Variants in ADGRE5 observed in about 807,000 individuals in gnomAD.
ADGRE5 encodes the protein adhesion G protein-coupled receptor E5.
A neutral mutation model predicts 100.3 loss-of-function variants in ADGRE5; 72 were observed. The observed-to-expected ratio is 0.72, with a 90% CI of 0.59 to 0.87. The LOEUF (loss-of-function observed/expected upper bound fraction) is 0.87. ADGRE5 is among the 40% of genes least tolerant of loss of function. ADGRE5 has a pLI of 0.00. For missense variants in ADGRE5, 959 were observed against 1,094.7 expected, an observed-to-expected ratio of 0.88 and a Z score of 1.75; for synonymous variants, 439 against 447.8, an observed-to-expected ratio of 0.98 and a Z score of 0.25.
chr19:14,402,975 C>A, intron 12 of ADGRE5, 113 bp downstream of exon 12: 1 of 1,021,078 alleles, frequency 9.8e-7, no homozygotes. Flanking sequence ...TGTTTCTGGC[C>A]TTCTGATTTG....
At chr19:14,389,937 C>G (rs1394648214) in intron 3 of ADGRE5, among the ~76,000 whole-genome samples, 3 of 149,272 alleles carry the variant, frequency 2.0e-5, no homozygotes, top group Non-Finnish European at 3.0e-5. Context: ...GTGTGGTGGC[C>G]CATGAGCACA....
At chr19:14,404,590 C>T in intron 13 of ADGRE5, 28 bp downstream of exon 13, 1 of 1,602,938 alleles carries the variant, frequency 6.2e-7, no homozygotes. Context: ...TCCTCAAGTG[C>T]CCACAGGTAA....
chr19:14,400,157 C>T (rs1466001287), intron 9 of ADGRE5, among the ~76,000 whole-genome samples: 2 of 151,976 alleles, frequency 1.3e-5, no homozygotes, highest in Admixed American at 1.3e-4. Context: ...GTAGCTGGGA[C>T]TACAGGCGCC....
chr19:14,401,131 A>G lies in ADGRE5; in HGVS notation c.898-255A>G, dbSNP rs1568316417. ...ACTGAGACCCTGTCTCAAAAAAAGA[A>G]AGAAAAAAGAACAGGAAATCAAAAC... On this transcript the variant is annotated intron_variant, in intron 9 of 19. Transcript: ENST00000242786. The surrounding 1 kb of genome is among the most constrained non-coding windows in gnomAD (Gnocchi z 4.1). Among the ~76,000 whole-genome samples, 1 of 152,162 alleles carries G rather than the reference A, an allele frequency of 6.6e-6. No individual in the cohort carries two copies. Among genetic ancestry groups the G allele is most frequent in the Non-Finnish European group, 1.5e-5 (1 of 68,042 alleles).
In ADGRE5 at chr19:14,406,672, C is replaced by T. The variant is rs775974821; in HGVS notation, c.2049-28C>T. Reference sequence around the variant, plus strand: ...GTTCCGCTCCTGGCTTCCTGGGGCACTGATGGGACCCCTCCCTTCCCTCCT... The same window carrying T: ...GTTCCGCTCCTGGCTTCCTGGGGCATTGATGGGACCCCTCCCTTCCCTCCT... On this transcript the variant is annotated intron_variant, in intron 15 of 19. Transcript: ENST00000242786. The surrounding 1 kb of genome is among the most constrained non-coding windows in gnomAD (Gnocchi z 6.0). The T allele has an allele frequency of 6.2e-7, 1 of 1,613,210 alleles. No individual in the cohort carries two copies. The highest frequency in any genetic ancestry group is 1.3e-5 in the African/African-American group (1 of 74,910).
At chr19:14,389,289 A>G (rs1469538494) in intron 3 of ADGRE5, among the ~76,000 whole-genome samples, 1 of 1,850 alleles carries the variant, frequency 5.4e-4, no homozygotes, top group Non-Finnish European at 1.0e-3. Flanking sequence ...AGGGGAGGGG[A>G]AGGGGAGGGG....
chr19:14,397,501 C>G (rs558096508), intron 6 of ADGRE5, 157 bp from the exon 7 acceptor site: 3 of 760,760 alleles, frequency 3.9e-6, no homozygotes, highest in Non-Finnish European at 6.5e-6. Flanking sequence ...GCACGGGGCC[C>G]ACCTGCTGTG....
At chr19:14,404,638 C>T (rs1976146053) in intron 13 of ADGRE5, 76 bp downstream of exon 13, 3 of 1,418,792 alleles carry the variant, frequency 2.1e-6, no homozygotes. Flanking sequence ...GCTAGTTCTC[C>T]ATGGAGCCCT....
chr19:14,406,449 G>A lies in ADGRE5; in HGVS notation c.1940G>A (p.Gly647Asp), dbSNP rs763555738. 3.2e-6 allele frequency: 5 copies of A among 1,580,280 alleles called. No individual in the cohort carries two copies. The African/African-American group carries it at 5.4e-5, about 17-fold the overall frequency. ...LYFLVVRVFQ[G>D]QGLSTRWLCL... The stretch of plus-strand genomic sequence containing the variant: ...TTTCTTGTGGTGCGCGTGTTCCAAG[G>A]CCAGGGCCTGAGTACGCGCTGGCTC... Residue 647 changes from glycine (G) to aspartate (D), a missense_variant, in exon 15 of 20, where the codon GGC becomes GAC. Gly to Asp is a moderately conservative substitution (Grantham distance 94). Around this residue, in one of 6 missense-constraint regions of ADGRE5, gnomAD observed 428 missense variants for 386.2 expected, o/e 1.11. Coordinates refer to ENST00000242786, the MANE Select transcript of ADGRE5 (RefSeq NM_078481.4). This position sits in a 1 kb window ranked among gnomAD's most constrained non-coding sequence, Gnocchi z 6.0.
rs560665332 is a variant in ADGRE5 at position 14,387,504 on chromosome 19, G to T, written c.23-946G>T. ...AGCACTTTGGGAGGCCGAGGTGGGTGGATCACGAGGTCAGGAGATCGAGAC... is the reference window on the plus strand; with the variant it reads ...AGCACTTTGGGAGGCCGAGGTGGGTTGATCACGAGGTCAGGAGATCGAGAC... On this transcript the variant is annotated intron_variant, in intron 1 of 19. Coordinates refer to ENST00000242786, the MANE Select transcript of ADGRE5 (RefSeq NM_078481.4). Among the ~76,000 whole-genome samples, 19 of 149,940 alleles carry T rather than the reference G, an allele frequency of 1.3e-4. No homozygotes were observed. In the South Asian group the frequency reaches 3.6e-3, roughly 28 times the overall value.
rs765115905 is a variant in ADGRE5 at position 14,405,836 on chromosome 19, G to C, written c.1718G>C (p.Arg573Pro). ...LLCILTFLLV[R>P]PIQGSRTTIH... ...TGCATCCTCACTTTCCTGCTGGTGC[G>C]GCCCATCCAGGGCTCGCGCACCACC... The change falls in exon 14 of 20, where the codon CGG becomes CCG. Residue 573 changes from arginine to proline, a missense_variant. By Grantham distance (103) the Arg-to-Pro change is moderately radical. Coordinates refer to ENST00000242786, the MANE Select transcript of ADGRE5 (RefSeq NM_078481.4). 1.2e-6 allele frequency: 2 copies of C among 1,613,466 alleles called. No homozygotes were observed. Among genetic ancestry groups the C allele is most frequent in the South Asian group, 2.2e-5 (2 of 91,086 alleles).
chr19:14,407,998 A>AATCAG lies in ADGRE5; in HGVS notation c.2469_2473dup (p.Thr825IlefsTer92). 1 of 1,614,186 alleles carries AATCAG rather than the reference A, an allele frequency of 6.2e-7. No individual in the cohort carries two copies. The highest frequency in any genetic ancestry group is 8.5e-7 in the Non-Finnish European group (1 of 1,180,028). On this transcript the variant is annotated frameshift_variant, in exon 19 of 20. Transcript: ENST00000242786. LOFTEE classifies it high-confidence loss of function. ...CTCCACCACGTCTGGCACTGGCCAC[A>AATCAG]ATCAGACCCGGGTAAGGGGCTGCGC...
rs900807915 is a variant in ADGRE5, at chr19:14,388,347, G to A, written c.23-103G>A. The A allele has an allele frequency of 6.5e-6, 10 of 1,528,318 alleles. No homozygotes were observed. In the Admixed American group the frequency reaches 1.8e-4, roughly 28 times the overall value. The allele number at this position is 1,528,318 out of a possible 1,614,324, so 94.7% of individuals were successfully genotyped here. A position where few individuals can be genotyped will look rare whatever the true frequency, so the allele number is the denominator to read the frequency against. On this transcript the variant is annotated intron_variant, in intron 1 of 19. Coordinates refer to ENST00000242786, the MANE Select transcript of ADGRE5 (RefSeq NM_078481.4). Reference sequence around the variant, plus strand: ...ACTCTGAACGACCGTCAGGATCTGAGCCTGAGAGGGGTCAGCATCCTCCTC... The same window carrying A: ...ACTCTGAACGACCGTCAGGATCTGAACCTGAGAGGGGTCAGCATCCTCCTC...
chr19:14,393,562 AC>A (rs1459275171), intron 4 of ADGRE5, among the ~76,000 whole-genome samples: 2 of 152,330 alleles, frequency 1.3e-5, no homozygotes, highest in Admixed American at 1.3e-4. Context: ...AGTGCAGGGT[AC>A]CGAGATCAGG....
chr19:14,385,001 A>ATTT (rs1975290922), intron 1 of ADGRE5, among the ~76,000 whole-genome samples: 1 of 40,220 alleles, frequency 2.5e-5, no homozygotes, highest in Non-Finnish European at 5.2e-5. Flanking sequence ...TTTTTTTGAG[A>ATTT]CTCTTGCTCT....
chr19:14,384,685 A>G (rs1477422396), intron 1 of ADGRE5, among the ~76,000 whole-genome samples: 1 of 145,886 alleles, frequency 6.9e-6, no homozygotes, highest in East Asian at 2.0e-4. Flanking sequence ...TTTCTTCCTC[A>G]CTGTTTATCT....
chr19:14,407,452 C>CCA (rs1568321769), intron 18 of ADGRE5, among the ~76,000 whole-genome samples: 1 of 152,130 alleles, frequency 6.6e-6, no homozygotes, highest in Non-Finnish European at 1.5e-5. Context: ...TAATTCAAGA[C>CCA]CAGCCTGGCC....
chr19:14,402,064 A>T (rs1976035078), intron 11 of ADGRE5, among the ~76,000 whole-genome samples: 1 of 151,866 alleles, frequency 6.6e-6, no homozygotes, highest in East Asian at 1.9e-4. Flanking sequence ...CCGGGAGGTC[A>T]AGGCTGCTGT....
rs749070774 is a variant in ADGRE5, at chr19:14,406,300, G to A, written c.1822-31G>A. On this transcript the variant is annotated intron_variant, in intron 14 of 19. Coordinates refer to ENST00000242786, the MANE Select transcript of ADGRE5 (RefSeq NM_078481.4). The surrounding 1 kb of genome is among the most constrained non-coding windows in gnomAD (Gnocchi z 6.0). ...GCCGCATGCCCCTCCCCGCGCTGAC[G>A]TCGCTCCGCCCCTCCGTCCCCGCCC... 7.3e-6 allele frequency: 11 copies of A among 1,508,046 alleles called. No individual in the cohort carries two copies. The East Asian group carries it at 1.5e-4, about 20-fold the overall frequency. 93.4% of individuals were successfully genotyped at this position (1,508,046 alleles called of 1,614,324 possible). A position where few individuals can be genotyped will look rare whatever the true frequency, so the allele number is the denominator to read the frequency against.
Sources: gnomAD v4.1 joint callset for allele counts (sites outside exome capture counted in the v4.1 genomes callset) on GRCh38, gnomAD v4.1.1 for gene constraint, gnomAD v4.1.1 regional missense constraint, Gnocchi (gnomAD v3.1) non-coding constraint, MANE v1.5 for transcripts, NCBI Gene and HGNC (gene_info 2026-07-23, HGNC 2026-07-21) for gene names.